Variants in ARHGEF10L observed in about 807,000 individuals in gnomAD.
ARHGEF10L encodes Rho guanine nucleotide exchange factor 10 like, also known as rho guanine nucleotide exchange factor 10-like protein.
Under a neutral mutation model 141.2 loss-of-function variants are expected in ARHGEF10L, and 69 were observed. That is an observed-to-expected ratio of 0.49 (90% CI 0.40 to 0.60). ARHGEF10L has a LOEUF of 0.60. ARHGEF10L is among the 20% of genes least tolerant of loss of function. The probability of loss-of-function intolerance (pLI) is 0.00; values close to 1 mark genes in which losing one functional copy is unlikely to be tolerated. For missense variants in ARHGEF10L, 1,482 were observed against 1,734.3 expected (o/e 0.85, Z 2.58); for synonymous variants, 711 against 718.5 (o/e 0.99, Z 0.17).
At chr1:17,683,932 C>T (rs1253900755) in intron 26 of ARHGEF10L, among the ~76,000 whole-genome samples, 1 of 152,198 alleles carries the variant, frequency 6.6e-6, no homozygotes, top group African/African-American at 2.4e-5. Flanking sequence ...GCTGAAAATA[C>T]TTCTGACCTT....
chr1:17,687,615 C>A lies in ARHGEF10L; in HGVS notation c.3052C>A (p.His1018Asn), dbSNP rs1010284704. 1 of 1,613,026 alleles carries A rather than the reference C, an allele frequency of 6.2e-7. No individual in the cohort carries two copies. Among genetic ancestry groups the A allele is most frequent in the African/African-American group, 1.3e-5 (1 of 74,920 alleles). Reference sequence around the variant, plus strand: ...CCAGGACGAGGCAGTGAGCGTGACACACATGGTGAAGGCGGGCAGCGGCGT... The same window carrying A: ...CCAGGACGAGGCAGTGAGCGTGACAAACATGGTGAAGGCGGGCAGCGGCGT... Reference protein sequence around the residue: ...AHQDEAVSVTHMVKAGSGVWM... With the variant: ...AHQDEAVSVTNMVKAGSGVWM... The change falls in exon 27 of 29, where the codon CAC becomes AAC. Residue 1018 changes from histidine to asparagine, a missense_variant. His to Asn is a moderately conservative substitution (Grantham distance 68, BLOSUM62 1). This residue lies in a region of ARHGEF10L where 858 missense variants were observed against 966.3 expected (regional missense o/e 0.89). Coordinates refer to ENST00000361221, the MANE Select transcript of ARHGEF10L (RefSeq NM_018125.4).
intron 1 of ARHGEF10L, among the ~76,000 whole-genome samples, chr1:17,550,337 G>C (rs1197419056): frequency 6.6e-6 from 1 of 152,168 alleles, no homozygotes. Flanking sequence ...ACATTGAAAG[G>C]CTGGTTAGAA....
At chr1:17,559,064 G>A (rs2077450947) in intron 1 of ARHGEF10L, among the ~76,000 whole-genome samples, 1 of 152,218 alleles carries the variant, frequency 6.6e-6, no homozygotes, top group African/African-American at 2.4e-5. Flanking sequence ...GGAGAGTGGT[G>A]GATGCTGTGG....
Position 17,621,768 on chromosome 1 carries a change from G to A in ARHGEF10L, c.943-96G>A. The A allele has an allele frequency of 8.7e-7, 1 of 1,149,180 alleles. No homozygotes were observed. Among genetic ancestry groups the A allele is most frequent in the South Asian group, 1.2e-5 (1 of 80,408 alleles). The allele number at this position is 1,149,180 out of a possible 1,614,324, so 71.2% of individuals were successfully genotyped here. ...CCCAGGTGGGACCTGGGAGGGATGG[G>A]TTTCTCTGTCCTATAGTTGTCAGCT... On this transcript the variant is annotated intron_variant, in intron 10 of 28. Transcript: ENST00000361221. This position sits in a 1 kb window ranked among gnomAD's most constrained non-coding sequence, Gnocchi z 4.1.
Position 17,673,781 on chromosome 1 carries a change from T to C in ARHGEF10L, c.3009+9186T>C, listed in dbSNP as rs549771605. 1.6e-4 allele frequency among the ~76,000 whole-genome samples: 25 copies of C among 152,166 alleles called. No homozygotes were observed. The highest frequency in any genetic ancestry group is 6.0e-4 in the African/African-American group (25 of 41,504). The stretch of plus-strand genomic sequence containing the variant: ...TGGCCTCAGTTTCCTTCCTGTAAAA[T>C]GGGGGATAATTATAGAACCTGCCCC... On this transcript the variant is annotated intron_variant, in intron 26 of 28. Coordinates refer to ENST00000361221, the MANE Select transcript of ARHGEF10L (RefSeq NM_018125.4). This position sits in a 1 kb window ranked among gnomAD's most constrained non-coding sequence, Gnocchi z 4.1.
chr1:17,637,871 G>C lies in ARHGEF10L; in HGVS notation c.1928-17G>C. The C allele has an allele frequency of 6.4e-7, 1 of 1,567,010 alleles. No individual in the cohort carries two copies. Among genetic ancestry groups the C allele is most frequent in the Non-Finnish European group, 8.7e-7 (1 of 1,155,180 alleles). Reference sequence around the variant, plus strand: ...AGCGCCTTCACCTGTGCCTGAGTTGGTCTCTTCTCTGCCCAGATAAGGTGT... The same window carrying C: ...AGCGCCTTCACCTGTGCCTGAGTTGCTCTCTTCTCTGCCCAGATAAGGTGT... On this transcript the variant is annotated splice_polypyrimidine_tract_variant and intron_variant, in intron 18 of 28. Transcript: ENST00000361221.
chr1:17,656,240 G>C lies in ARHGEF10L; in HGVS notation c.2705+138G>C. On this transcript the variant is annotated intron_variant, in intron 24 of 28. Coordinates refer to ENST00000361221, the MANE Select transcript of ARHGEF10L (RefSeq NM_018125.4). The surrounding 1 kb of genome is among the most constrained non-coding windows in gnomAD (Gnocchi z 4.9). ...CTGGTCTCCAGGAAGGTGGGCACCA[G>C]AGCTGCCCAGTGTGGGAGCCAAAGT... 2 of 1,098,480 alleles carry C rather than the reference G, an allele frequency of 1.8e-6. No homozygotes were observed. The highest frequency in any genetic ancestry group is 2.6e-6 in the Non-Finnish European group (2 of 772,608). The allele number at this position is 1,098,480 out of a possible 1,614,324, so 68.0% of individuals were successfully genotyped here. A position where few individuals can be genotyped will look rare whatever the true frequency, so the allele number is the denominator to read the frequency against.
Position 17,697,496 on chromosome 1 carries a change from A to C in ARHGEF10L, c.*116A>C. On this transcript the variant is annotated 3_prime_UTR_variant, in exon 29 of 29. Transcript: ENST00000361221. The surrounding 1 kb of genome is among the most constrained non-coding windows in gnomAD (Gnocchi z 4.8). ...GATGGGCCTGGACTCTCCAGAAACT[A>C]CTTGGGCAGAGCAAAGGAAAACCTC... 7.8e-7 allele frequency: 1 copy of C among 1,274,164 alleles called. No individual in the cohort carries two copies. The highest frequency in any genetic ancestry group is 1.0e-6 in the Non-Finnish European group (1 of 970,664). The allele number at this position is 1,274,164 out of a possible 1,614,324, so 78.9% of individuals were successfully genotyped here.
At chr1:17,575,260 T>G (rs1288495934) in intron 1 of ARHGEF10L, among the ~76,000 whole-genome samples, 1 of 152,240 alleles carries the variant, frequency 6.6e-6, no homozygotes, top group African/African-American at 2.4e-5. Context: ...AACAGCCTGT[T>G]GGCCCCCTAT....
At chr1:17,531,004 CA>C in the ARHGEF10L span, among the ~76,000 whole-genome samples, 12 of 144,730 alleles carry the variant, frequency 8.3e-5, no homozygotes, top group Non-Finnish European at 1.5e-4. Context: ...GACTCCATCT[CA>C]AAAAAAAATA....
At chr1:17,560,476 G>A (rs1309835127) in intron 1 of ARHGEF10L, among the ~76,000 whole-genome samples, 1 of 152,144 alleles carries the variant, frequency 6.6e-6, no homozygotes, top group African/African-American at 2.4e-5. Flanking sequence ...GCTGGTTTGG[G>A]GTCCCTGATA....
chr1:17,643,894 G>A (rs1467041113), intron 21 of ARHGEF10L, among the ~76,000 whole-genome samples: 4 of 152,152 alleles, frequency 2.6e-5, no homozygotes, highest in East Asian at 3.9e-4. Flanking sequence ...TCTTTCTACC[G>A]GTTAGGCTCT....
intron 10 of ARHGEF10L, among the ~76,000 whole-genome samples, chr1:17,620,196 A>C (rs1182243751): frequency 7.7e-6 from 1 of 129,414 alleles, no homozygotes; most frequent in Non-Finnish European, 1.6e-5. Context: ...AGCGAGTGAG[A>C]CTCTGTCTCA....
At position 17,648,570 on chromosome 1, in the gene ARHGEF10L, A is replaced by G. The variant is rs761098436; in HGVS notation, c.2289A>G (p.Pro763=). The change falls in exon 22 of 29, where the codon CCA becomes CCG. Residue 763 remains proline, a synonymous_variant. Transcript: ENST00000361221. ...TTGCTGTAGGGGAGGAGAACCAGCC[A>G]GGCTGGCTATGCCCGGATGAGGACA... ...AKIGLREENQ[P]GWLCPDEDKK... The G allele has an allele frequency of 7.4e-6, 12 of 1,613,656 alleles. No individual in the cohort carries two copies. Among genetic ancestry groups the G allele is most frequent in the Non-Finnish European group, 1.0e-5 (12 of 1,180,012 alleles).
chr1:17,672,508 G>A (rs2063388760), intron 26 of ARHGEF10L, among the ~76,000 whole-genome samples: 1 of 152,192 alleles, frequency 6.6e-6, no homozygotes, highest in Non-Finnish European at 1.5e-5. Flanking sequence ...CACTGCCAGA[G>A]CATGCAGGGT....
At chr1:17,622,124 G>A (rs1225811974) in intron 11 of ARHGEF10L, among the ~76,000 whole-genome samples, 183 bp downstream of exon 11, 3 of 152,162 alleles carry the variant, frequency 2.0e-5, no homozygotes, top group African/African-American at 7.2e-5. Context: ...TGATGCCCTG[G>A]TGTTCACGGG....
In ARHGEF10L at chr1:17,620,725, G is replaced by C. The variant is rs544761493; in HGVS notation, c.943-1139G>C. Among the ~76,000 whole-genome samples the C allele has an allele frequency of 2.3e-4, 35 of 152,216 alleles. 2 individuals are homozygous for C. In the South Asian group the frequency reaches 6.8e-3, roughly 30 times the overall value. On this transcript the variant is annotated intron_variant, in intron 10 of 28. Transcript: ENST00000361221. Reference sequence around the variant, plus strand: ...TGATGGACGCTCAGGACAGCTGTGGGGGTAGAGTAGGGGGTCAGTCACCTC... The same window carrying C: ...TGATGGACGCTCAGGACAGCTGTGGCGGTAGAGTAGGGGGTCAGTCACCTC...
intron 1 of ARHGEF10L, among the ~76,000 whole-genome samples, chr1:17,568,211 G>A (rs1243443034): frequency 6.6e-6 from 1 of 152,054 alleles, no homozygotes; most frequent in African/African-American, 2.4e-5. Flanking sequence ...TTAGCAGGAG[G>A]CAGTCATTTA....
chr1:17,657,918 G>A (rs1199472323), intron 25 of ARHGEF10L, among the ~76,000 whole-genome samples: 1 of 152,224 alleles, frequency 6.6e-6, no homozygotes, highest in Non-Finnish European at 1.5e-5. Context: ...ACCAGTTTGG[G>A]CACCTGGGTT....
Sources: gnomAD v4.1 joint callset for allele counts (sites outside exome capture counted in the v4.1 genomes callset) on GRCh38, gnomAD v4.1.1 for gene constraint, gnomAD v4.1.1 regional missense constraint, Gnocchi (gnomAD v3.1) non-coding constraint, MANE v1.5 for transcripts, NCBI Gene and HGNC (gene_info 2026-07-23, HGNC 2026-07-21) for gene names.